Variants in COBLL1 observed in about 807,000 individuals in gnomAD.
COBLL1 encodes cordon-bleu WH2 repeat protein like 1.
In COBLL1, 50 loss-of-function variants were observed where a neutral mutation model predicts 94.8. That is an observed-to-expected ratio of 0.53 (90% CI 0.42 to 0.67). The LOEUF is 0.67. Ranked by LOEUF, COBLL1 falls within the 30% of genes least tolerant of loss-of-function variation. COBLL1 has a pLI of 0.00. For missense variants in COBLL1, 1,362 were observed against 1,348.7 expected (o/e 1.01, Z -0.15); for synonymous variants, 448 against 473.8 (o/e 0.95, Z 0.71).
intron 2 of COBLL1, among the ~76,000 whole-genome samples, chr2:164,806,312 A>G (rs970823921): frequency 2.6e-5 from 4 of 152,194 alleles, no homozygotes; most frequent in Non-Finnish European, 4.4e-5. Context: ...AACTTTAAGC[A>G]TGATTTTTCT....
In COBLL1 at chr2:164,699,398, A is replaced by G. The variant is rs759634167; in HGVS notation, c.1555+7T>C. ...GAAAGTGTTGGCTATTAATTTATAT[A>G]ACTCACCATTCTCTTGGTTTGGGCC... On this transcript the variant is annotated splice_region_variant and intron_variant, in intron 11 of 13. Coordinates refer to ENST00000652658, the MANE Select transcript of COBLL1 (RefSeq NM_001365672.2). 1 of 1,564,012 alleles carries G rather than the reference A, an allele frequency of 6.4e-7. No homozygotes were observed. Among genetic ancestry groups the G allele is most frequent in the Non-Finnish European group, 8.8e-7 (1 of 1,134,572 alleles).
intron 7 of COBLL1, among the ~76,000 whole-genome samples, chr2:164,712,919 C>A (rs1159703553): frequency 6.6e-6 from 1 of 152,068 alleles, no homozygotes; most frequent in Non-Finnish European, 1.5e-5. Context: ...TCTTTTTACA[C>A]CTGTATATAC....
chr2:164,841,198 G>T lies in COBLL1; in HGVS notation c.-2C>A, dbSNP rs532394711. ...CGGGCGCGGGGTTCGGCCGTCCATC[G>T]CCCTGCGGGGCGCTGCGCGGGCTCC... On this transcript the variant is annotated 5_prime_UTR_variant, in exon 2 of 14. Transcript: ENST00000652658. This position sits in a 1 kb window ranked among gnomAD's most constrained non-coding sequence, Gnocchi z 5.5. The T allele has an allele frequency of 4.1e-6, 5 of 1,232,230 alleles. No individual in the cohort carries two copies. In the African/African-American group the frequency reaches 6.2e-5, roughly 15 times the overall value. 76.3% of individuals were successfully genotyped at this position (1,232,230 alleles called of 1,614,324 possible). A position where few individuals can be genotyped will look rare whatever the true frequency, so the allele number is the denominator to read the frequency against.
At chr2:164,782,484 A>G (rs1247259773) in intron 2 of COBLL1, among the ~76,000 whole-genome samples, 2 of 152,108 alleles carry the variant, frequency 1.3e-5, no homozygotes, top group African/African-American at 4.8e-5. Context: ...TTCACATTAA[A>G]AAAAGAAAAA....
chr2:164,672,672 G>GT (rs1691262384), intron 1 of COBLL1, among the ~76,000 whole-genome samples: 1 of 138,046 alleles, frequency 7.2e-6, no homozygotes, highest in South Asian at 2.3e-4. Context: ...GCAGTCCGCA[G>GT]TCCGGCCTGG....
intron 2 of COBLL1, among the ~76,000 whole-genome samples, chr2:164,768,416 A>T (rs369980015): frequency 0.016 from 2,432 of 148,496 alleles, 29 homozygotes; most frequent in South Asian, 0.028. Context: ...ACATTATGAG[A>T]TTTTTTTTTT....
intron 7 of COBLL1, among the ~76,000 whole-genome samples, chr2:164,711,288 T>C (rs1374944586): frequency 6.6e-6 from 1 of 152,244 alleles, no homozygotes; most frequent in Non-Finnish European, 1.5e-5. Flanking sequence ...TTGTCTGTTT[T>C]AAAGTACATG....
chr2:164,790,520 C>T (rs1683135404), intron 2 of COBLL1, among the ~76,000 whole-genome samples: 2 of 152,136 alleles, frequency 1.3e-5, no homozygotes, highest in East Asian at 1.9e-4. Flanking sequence ...CACACGCAAT[C>T]TTGTTTACAT....
At chr2:164,749,898 C>CA (rs1687045191) in intron 2 of COBLL1, among the ~76,000 whole-genome samples, 1 of 152,138 alleles carries the variant, frequency 6.6e-6, no homozygotes, top group Admixed American at 6.5e-5. Flanking sequence ...CACAGCCACT[C>CA]AAGTCCTCTG....
intron 7 of COBLL1, among the ~76,000 whole-genome samples, chr2:164,709,656 G>A (rs1684781460): frequency 6.6e-6 from 1 of 152,092 alleles, no homozygotes; most frequent in Admixed American, 6.6e-5. Context: ...AAGTGGAGGT[G>A]CAGTAAGCCA....
chr2:164,777,871 T>C (rs1342064079), intron 2 of COBLL1, among the ~76,000 whole-genome samples: 1 of 152,166 alleles, frequency 6.6e-6, no homozygotes, highest in African/African-American at 2.4e-5. Context: ...GTTAGGAAGT[T>C]TTCCAGTTTT....
rs1458443569 is a variant in COBLL1, at chr2:164,683,077, T to C, written c.*2869A>G. 1 of 151,874 alleles carries C rather than the reference T, an allele frequency of 6.6e-6. No homozygotes were observed. Among genetic ancestry groups the C allele is most frequent in the African/African-American group, 2.4e-5 (1 of 41,298 alleles). 9.4% of individuals were successfully genotyped at this position (151,874 alleles called of 1,614,324 possible). ...CAAACCTGCACACATGTACTTCATA[T>C]AAATACATCTATATAGGGCTTCATA... On this transcript the variant is annotated 3_prime_UTR_variant, in exon 14 of 14. Coordinates refer to ENST00000652658, the MANE Select transcript of COBLL1 (RefSeq NM_001365672.2).
intron 13 of COBLL1, among the ~76,000 whole-genome samples, chr2:164,691,571 CT>C (rs1683594224): frequency 6.6e-6 from 1 of 152,064 alleles, no homozygotes; most frequent in South Asian, 2.1e-4. Flanking sequence ...ACATCTTCTT[CT>C]CAGTGGATGA....
intron 2 of COBLL1, among the ~76,000 whole-genome samples, chr2:164,770,410 T>C (rs1688148729): frequency 6.6e-6 from 1 of 152,082 alleles, no homozygotes; most frequent in South Asian, 2.1e-4. Flanking sequence ...AAGAAAACCA[T>C]TAGCTATATG....
intron 2 of COBLL1, among the ~76,000 whole-genome samples, chr2:164,792,304 T>A (rs1350347167): frequency 6.6e-6 from 1 of 151,930 alleles, no homozygotes; most frequent in Non-Finnish European, 1.5e-5. Flanking sequence ...AATTTTTTTA[T>A]TTTTTGTATA....
At chr2:164,828,992 G>A (rs1410437728) in intron 2 of COBLL1, among the ~76,000 whole-genome samples, 1 of 152,156 alleles carries the variant, frequency 6.6e-6, no homozygotes, top group East Asian at 1.9e-4. Flanking sequence ...GAACCAAGAT[G>A]CTAGAAGGAG....
At position 164,695,743 on chromosome 2, in the gene COBLL1, G is replaced by A; in HGVS notation, c.1649C>T (p.Ala550Val). 1 of 1,613,362 alleles carries A rather than the reference G, an allele frequency of 6.2e-7. No homozygotes were observed. Among genetic ancestry groups the A allele is most frequent in the Non-Finnish European group, 8.5e-7 (1 of 1,179,688 alleles). ...KKTEINVEGV[A>V]KNNNIDMEVE... The stretch of plus-strand genomic sequence containing the variant: ...TTCCATATCAATGTTGTTATTTTTG[G>A]CAACACCTTCTACATTGATTTCTGT... Residue 550 changes from alanine to valine, a missense_variant, in exon 12 of 14, where the codon GCC becomes GTC. Transcript: ENST00000652658.
At chr2:164,658,511 A>G (rs1242701892) in intron 2 of COBLL1, among the ~76,000 whole-genome samples, 1 of 152,104 alleles carries the variant, frequency 6.6e-6, no homozygotes, top group East Asian at 1.9e-4. Context: ...GAAGAGACAA[A>G]CTTAACAAGG....
At position 164,722,148 on chromosome 2, in the gene COBLL1, T is replaced by C. The variant is rs1558952712; in HGVS notation, c.923A>G (p.Gln308Arg). ...CCTCTCCTGGATGTGTGCAAGGTCT[T>C]GGGGGACACTCTGAGATGCTGGCAT... ...PPMPASQSVP[Q>R]DLAHIQERPA... Residue 308 changes from glutamine to arginine, a missense_variant, in exon 7 of 14, where the codon CAA becomes CGA. Coordinates refer to ENST00000652658, the MANE Select transcript of COBLL1 (RefSeq NM_001365672.2). 1.2e-6 allele frequency: 2 copies of C among 1,614,052 alleles called. No homozygotes were observed. The highest frequency in any genetic ancestry group is 1.7e-6 in the Non-Finnish European group (2 of 1,179,966).
Sources: allele counts gnomAD v4.1 joint callset (sites outside exome capture counted in the v4.1 genomes callset), GRCh38; gene constraint gnomAD v4.1.1; non-coding constraint Gnocchi (gnomAD v3.1); transcripts MANE v1.5; gene names NCBI Gene and HGNC (gene_info 2026-07-23, HGNC 2026-07-21).